The following MED22 variants were observed in gnomAD, a reference collection of about 807,000 sequenced individuals.
MED22 encodes mediator of RNA polymerase II transcription subunit 22.
MED22 carries 22 observed loss-of-function variants against 22.7 expected under a neutral mutation model. The ratio of observed to expected loss-of-function variants is 0.97; its 90% confidence interval spans 0.69 to 1.38. The LOEUF (loss-of-function observed/expected upper bound fraction) is 1.38, where lower values mean the gene tolerates loss of function less well. MED22 is among the 40% of genes most tolerant of loss of function. The pLI is 0.00. For synonymous variants in MED22, 134 were observed against 119.4 expected (o/e 1.12, Z -0.80); for missense variants, 247 against 263.0 (o/e 0.94, Z 0.42).
chr9:133,343,934 G>C (rs2129958596), intron 4 of MED22, 191 bp downstream of exon 4: 4 of 1,442,140 alleles, frequency 2.8e-6, no homozygotes, highest in African/African-American at 2.9e-5. Flanking sequence ...GAAAGGCCCA[G>C]GGCCCTGGCA....
chr9:133,348,019 C>G lies in MED22; in HGVS notation c.-136G>C. 1.6e-6 allele frequency: 1 copy of G among 634,774 alleles called. No homozygotes were observed. Among genetic ancestry groups the G allele is most frequent in the Non-Finnish European group, 2.8e-6 (1 of 359,666 alleles). 39.3% of individuals were successfully genotyped at this position (634,774 alleles called of 1,614,324 possible). ...CGACCCGCACTTTCCCGCGTCTCTC[C>G]CACGGCCTGGCCCTCCCGCCGCAGT... is the stretch of plus-strand genomic sequence containing the variant. On this transcript the variant is annotated 5_prime_UTR_variant, in exon 1 of 5. Transcript: ENST00000343730.
chr9:133,344,200 TC>T lies in MED22; in HGVS notation c.337del (p.Asp113ThrfsTer102). On this transcript the variant is annotated frameshift_variant, in exon 4 of 5. Coordinates refer to ENST00000343730, the MANE Select transcript of MED22 (RefSeq NM_133640.5). LOFTEE classifies it high-confidence loss of function. Reference sequence around the variant, plus strand: ...GTCTCGCAGCGTGATGAGCTTCCGGTCGCACTCCTCCTGCAGTGTGCGCAGC... The same window carrying T: ...GTCTCGCAGCGTGATGAGCTTCCGGTGCACTCCTCCTGCAGTGTGCGCAGC... ...QQLRTLQEEC[D>X]RKLITLRDEI... The T allele has an allele frequency of 1.9e-6, 3 of 1,614,166 alleles. No homozygotes were observed. Among genetic ancestry groups the T allele is most frequent in the Non-Finnish European group, 2.5e-6 (3 of 1,180,032 alleles).
At position 133,344,307 on chromosome 9, in the gene MED22, C is replaced by T; in HGVS notation, c.231G>A (p.Lys77=). 6.2e-7 allele frequency: 1 copy of T among 1,614,158 alleles called. No homozygotes were observed. The highest frequency in any genetic ancestry group is 1.1e-5 in the South Asian group (1 of 91,090). The change falls in exon 4 of 5, where the codon AAG becomes AAA. Residue 77 remains lysine (K), a synonymous_variant. Coordinates refer to ENST00000343730, the MANE Select transcript of MED22 (RefSeq NM_133640.5). ...NIVRAGESLM[K]LVSDLKQFLI... ...GGAACTGCTTGAGGTCGGACACCAG[C>T]TTCATCAGGGACTCGCCGGCTCGGA...
At chr9:133,343,109 A>G (rs1034129182) in intron 4 of MED22, 6 of 1,011,850 alleles carry the variant, frequency 5.9e-6, no homozygotes, top group Non-Finnish European at 5.9e-6. Flanking sequence ...CCCCCTGGAA[A>G]ACTCTAGGAC....
chr9:133,342,388 C>A, intron 4 of MED22: 1 of 986,114 alleles, frequency 1.0e-6, no homozygotes, highest in Non-Finnish European at 1.2e-6. Context: ...CGGCCTGCCT[C>A]GCCCCTGGCT....
chr9:133,345,083 GC>G, intron 3 of MED22, 88 bp downstream of exon 3: 1 of 1,307,968 alleles, frequency 7.6e-7, no homozygotes, highest in Non-Finnish European at 1.1e-6. Flanking sequence ...GACCAGACCA[GC>G]CCCAGAGCCC....
chr9:133,341,428 A>G lies in MED22; in HGVS notation c.*77T>C. On this transcript the variant is annotated 3_prime_UTR_variant, in exon 5 of 5. Transcript: ENST00000343730. ...AGTCCCCAAATGGGAACCTAGGCTG[A>G]GAGAAGCAAGGCTGTGAGGGCATCC... is the stretch of plus-strand genomic sequence containing the variant. 1 of 1,388,504 alleles carries G rather than the reference A, an allele frequency of 7.2e-7. No individual in the cohort carries two copies. Among genetic ancestry groups the G allele is most frequent in the Non-Finnish European group, 9.4e-7 (1 of 1,068,424 alleles). The allele number at this position is 1,388,504 out of a possible 1,614,324, so 86.0% of individuals were successfully genotyped here. A position where few individuals can be genotyped will look rare whatever the true frequency, so the allele number is the denominator to read the frequency against.
chr9:133,347,656 G>GGGCCTCCTGCTCCTC, intron 1 of MED22: 1 of 152,280 alleles, frequency 6.6e-6, no homozygotes, highest in South Asian at 2.0e-4. Context: ...CGGCCTCGGC[G>GGGCCTCCTGCTCCTC]CTGGAGTTGC....
At chr9:133,346,505 A>G (rs1377251461) in intron 2 of MED22, 35 bp downstream of exon 2, 2 of 1,606,332 alleles carry the variant, frequency 1.2e-6, no homozygotes, top group Non-Finnish European at 1.7e-6. Context: ...CCCTTCTCAG[A>G]CTCTGCTCCC....
intron 4 of MED22, chr9:133,342,853 G>T (rs957715019): frequency 7.5e-5 from 74 of 985,468 alleles, no homozygotes; most frequent in Non-Finnish European, 8.7e-5. Context: ...CCGTGAGCAG[G>T]TTCCCTCTCT....
chr9:133,342,879 A>G, intron 4 of MED22: 1 of 985,566 alleles, frequency 1.0e-6, no homozygotes. Context: ...CCCCAAGGCA[A>G]GGCAGGCAGG....
Position 133,338,899 on chromosome 9 carries a change from G to A in MED22, c.*2606C>T. 2.0e-6 allele frequency: 1 copy of A among 502,910 alleles called. No individual in the cohort carries two copies. The highest frequency in any genetic ancestry group is 1.5e-5 in the South Asian group (1 of 65,722). 31.2% of individuals were successfully genotyped at this position (502,910 alleles called of 1,614,324 possible). The stretch of plus-strand genomic sequence containing the variant: ...GACCTGGTCCTGTTTTAGATTTTAA[G>A]ACTCCAAAATAACAACCAAATGCAA... On this transcript the variant is annotated 3_prime_UTR_variant, in exon 5 of 5. Coordinates refer to ENST00000343730, the MANE Select transcript of MED22 (RefSeq NM_133640.5).
At chr9:133,343,559 G>A (rs1836078179) in intron 4 of MED22, 3 of 1,241,584 alleles carry the variant, frequency 2.4e-6, no homozygotes, top group South Asian at 3.9e-5. Flanking sequence ...AAGGCTGAGT[G>A]GGTCACGAAT....
In MED22 at chr9:133,340,253, CCTGT is replaced by C. The variant is rs1835970419; in HGVS notation, c.*1248_*1251del. The C allele has an allele frequency of 6.6e-6, 1 of 152,298 alleles. No homozygotes were observed. The highest frequency in any genetic ancestry group is 1.5e-5 in the Non-Finnish European group (1 of 68,094). The allele number at this position is 152,298 out of a possible 1,614,324, so 9.4% of individuals were successfully genotyped here. On this transcript the variant is annotated 3_prime_UTR_variant, in exon 5 of 5. Coordinates refer to ENST00000343730, the MANE Select transcript of MED22 (RefSeq NM_133640.5). ...CAGAGCCAGGACTGGGCCTCAAGCT[CCTGT>C]CTGTCTGGTGCCTTCTGCTTGGCTG...
chr9:133,345,391 A>G (rs911803748), intron 2 of MED22, 139 bp from the exon 3 acceptor site: 1 of 798,934 alleles, frequency 1.3e-6, no homozygotes, highest in South Asian at 1.6e-5. Context: ...TGCCATCTAC[A>G]GACCTAAGCG....
At chr9:133,345,546 C>T (rs1017422475) in intron 2 of MED22, among the ~76,000 whole-genome samples, 9 of 152,250 alleles carry the variant, frequency 5.9e-5, no homozygotes, top group Admixed American at 2.0e-4. Context: ...TATCTTGGCC[C>T]GGTCTTTTTG....
At position 133,341,446 on chromosome 9, in the gene MED22, G is replaced by A. The variant is rs2129948245; in HGVS notation, c.*59C>T. On this transcript the variant is annotated 3_prime_UTR_variant, in exon 5 of 5. Transcript: ENST00000343730. ...TAGGCTGAGAGAAGCAAGGCTGTGA[G>A]GGCATCCAAAGGGCTGCCTCAGGTT... 41 of 1,426,404 alleles carry A rather than the reference G, an allele frequency of 2.9e-5. No homozygotes were observed. The highest frequency in any genetic ancestry group is 3.7e-5 in the Non-Finnish European group (40 of 1,092,278). The allele number at this position is 1,426,404 out of a possible 1,614,324, so 88.4% of individuals were successfully genotyped here.
intron 4 of MED22, 69 bp from the exon 5 acceptor site, chr9:133,341,763 G>A: frequency 1.9e-6 from 3 of 1,566,472 alleles, no homozygotes; most frequent in Admixed American, 2.1e-5. Context: ...GGAGGGGAGA[G>A]CAAGACAGAA....
intron 3 of MED22, among the ~76,000 whole-genome samples, chr9:133,344,935 CA>C (rs1204795625): frequency 6.6e-6 from 1 of 152,208 alleles, no homozygotes; most frequent in Non-Finnish European, 1.5e-5. Flanking sequence ...GCTCTCTGCC[CA>C]GCCCTCCTCC....
Sources: gnomAD v4.1 joint callset for allele counts (sites outside exome capture counted in the v4.1 genomes callset) on GRCh38, gnomAD v4.1.1 for gene constraint, MANE v1.5 for transcripts, NCBI Gene and HGNC (gene_info 2026-07-23, HGNC 2026-07-21) for gene names.